RIMS1: variants seen among roughly 807,000 people sequenced by gnomAD.
RIMS1 encodes regulating synaptic membrane exocytosis 1, also known as regulating synaptic membrane exocytosis protein 1.
RIMS1 carries 83 observed loss-of-function variants against 214.1 expected under a neutral mutation model. The ratio of observed to expected loss-of-function variants is 0.39; its 90% CI spans 0.32 to 0.47. The LOEUF (loss-of-function observed/expected upper bound fraction) is 0.47, where lower values mean the gene tolerates loss of function less well. Among genes scored for constraint, RIMS1 ranks in the 20% least tolerant of loss-of-function variants. RIMS1 has a pLI of 0.99. For synonymous variants in RIMS1, 793 were observed against 786.8 expected (o/e 1.01, Z -0.13); for missense variants, 2,050 against 2,161.8 (o/e 0.95, Z 1.03).
chr6:72,078,359 C>T (rs759576095), intron 2 of RIMS1, among the ~76,000 whole-genome samples: 8 of 152,192 alleles, frequency 5.3e-5, no homozygotes, highest in Non-Finnish European at 1.0e-4. Flanking sequence ...TTACCTCACT[C>T]TTTGCCTGTA....
chr6:71,915,056 T>G (rs771154050), intron 1 of RIMS1, among the ~76,000 whole-genome samples: 1 of 152,106 alleles, frequency 6.6e-6, no homozygotes, highest in Non-Finnish European at 1.5e-5. Flanking sequence ...TTTATAATGA[T>G]GACATCAATT....
At chr6:72,049,664 C>T (rs375101136) in intron 2 of RIMS1, among the ~76,000 whole-genome samples, 1 of 151,908 alleles carries the variant, frequency 6.6e-6, no homozygotes, top group Non-Finnish European at 1.5e-5. Flanking sequence ...AAAGACTTTG[C>T]GTATAATTTT....
At chr6:71,951,854 G>A (rs1464880886) in intron 1 of RIMS1, among the ~76,000 whole-genome samples, 3 of 151,788 alleles carry the variant, frequency 2.0e-5, no homozygotes, top group Admixed American at 6.6e-5. Context: ...ACCAAGCCTC[G>A]AACTCAAGTC....
At chr6:71,932,178 G>C (rs1195551558) in intron 1 of RIMS1, among the ~76,000 whole-genome samples, 1 of 152,040 alleles carries the variant, frequency 6.6e-6, no homozygotes, top group African/African-American at 2.4e-5. Flanking sequence ...ACATGCACAC[G>C]TATGTTCATT....
At chr6:72,209,409 A>G (rs1050986466) in intron 6 of RIMS1, among the ~76,000 whole-genome samples, 1 of 152,204 alleles carries the variant, frequency 6.6e-6, no homozygotes, top group Non-Finnish European at 1.5e-5. Context: ...AAATTGAACT[A>G]AATATATTAA....
At chr6:72,240,177 C>T (rs1041778113) in intron 9 of RIMS1, among the ~76,000 whole-genome samples, 1 of 151,928 alleles carries the variant, frequency 6.6e-6, no homozygotes, top group African/African-American at 2.4e-5. Context: ...CTTGATTATC[C>T]ATACATAAAT....
intron 2 of RIMS1, among the ~76,000 whole-genome samples, chr6:71,973,290 C>T (rs1461756152): frequency 6.6e-6 from 1 of 152,168 alleles, no homozygotes; most frequent in East Asian, 1.9e-4. Context: ...AACAATTACC[C>T]TGAGACCCAG....
intron 6 of RIMS1, among the ~76,000 whole-genome samples, chr6:72,233,024 C>G (rs1249229312): frequency 6.6e-6 from 1 of 151,672 alleles, no homozygotes; most frequent in African/African-American, 2.4e-5. Context: ...CCCTGCTTTC[C>G]CTAATATCTC....
intron 2 of RIMS1, among the ~76,000 whole-genome samples, chr6:72,061,102 T>A (rs1324169039): frequency 2.0e-5 from 3 of 152,220 alleles, no homozygotes; most frequent in Non-Finnish European, 4.4e-5. Context: ...GCCTTGTATA[T>A]AATCAAATAT....
intron 2 of RIMS1, among the ~76,000 whole-genome samples, chr6:72,028,209 GC>G (rs1051890672): frequency 6.6e-6 from 1 of 152,022 alleles, no homozygotes; most frequent in Non-Finnish European, 1.5e-5. Flanking sequence ...GAATCATGTA[GC>G]CCAGTGCAAT....
chr6:72,372,117 C>G (rs538422190), intron 29 of RIMS1, among the ~76,000 whole-genome samples: 1 of 152,190 alleles, frequency 6.6e-6, no homozygotes, highest in South Asian at 2.1e-4. Flanking sequence ...GTTCTAGAAG[C>G]CTGTTTGAAA....
At chr6:72,311,630 T>C (rs1255409352) in intron 27 of RIMS1, among the ~76,000 whole-genome samples, 1 of 152,192 alleles carries the variant, frequency 6.6e-6, no homozygotes, top group Admixed American at 6.5e-5. Context: ...AAACTAATTG[T>C]ATATATATCC....
chr6:72,219,331 C>T (rs1852707), intron 6 of RIMS1, among the ~76,000 whole-genome samples: 107,152 of 151,972 alleles, frequency 0.71, 38,670 homozygotes, highest in East Asian at 0.98. Flanking sequence ...GAAATGGTTT[C>T]AGATATTATA....
chr6:72,115,451 C>G (rs2036893556), intron 4 of RIMS1, among the ~76,000 whole-genome samples: 1 of 151,774 alleles, frequency 6.6e-6, no homozygotes, highest in South Asian at 2.1e-4. Flanking sequence ...TTGAGATTGC[C>G]TTTATCTAGG....
chr6:72,099,613 T>G (rs1439435060), intron 3 of RIMS1, among the ~76,000 whole-genome samples: 6 of 152,122 alleles, frequency 3.9e-5, no homozygotes, highest in Non-Finnish European at 8.8e-5. Flanking sequence ...TTTATGCATT[T>G]TAATAAAATA....
intron 20 of RIMS1, 109 bp downstream of exon 20, chr6:72,265,161 C>T: frequency 3.0e-6 from 2 of 658,194 alleles, no homozygotes; most frequent in Admixed American, 6.3e-5. Context: ...AGGAAATTTA[C>T]ATTCTAATAA....
chr6:71,936,601 A>G (rs1423052890), intron 1 of RIMS1, among the ~76,000 whole-genome samples: 2 of 152,216 alleles, frequency 1.3e-5, no homozygotes, highest in African/African-American at 2.4e-5. Context: ...AGCTTCCTCT[A>G]TGGAACATGC....
At chr6:72,274,636 CAG>C (rs2085240726) in intron 23 of RIMS1, among the ~76,000 whole-genome samples, 1 of 152,166 alleles carries the variant, frequency 6.6e-6, no homozygotes. Flanking sequence ...AGTTTAAACC[CAG>C]TGAAGTCAGG....
intron 2 of RIMS1, among the ~76,000 whole-genome samples, chr6:71,975,324 C>T (rs1796868639): frequency 6.6e-6 from 1 of 152,118 alleles, no homozygotes; most frequent in South Asian, 2.1e-4. Flanking sequence ...ACTCCCATGT[C>T]CTGAGAACTT....
Sources: allele counts gnomAD v4.1 joint callset (sites outside exome capture counted in the v4.1 genomes callset), GRCh38; gene constraint gnomAD v4.1.1; transcripts MANE v1.5; gene names NCBI Gene and HGNC (gene_info 2026-07-23, HGNC 2026-07-21).